Variants in ITGA11 observed in about 807,000 individuals in gnomAD.
ITGA11 encodes integrin subunit alpha 11.
ITGA11 carries 97 observed loss-of-function variants against 141.9 expected under a neutral mutation model. The ratio of observed to expected loss-of-function variants is 0.68; its 90% CI spans 0.58 to 0.81. The LOEUF (loss-of-function observed/expected upper bound fraction) is 0.81, where lower values mean the gene tolerates loss of function less well. Among genes scored for constraint, ITGA11 ranks in the 30% least tolerant of loss-of-function variants. ITGA11 has a pLI of 0.00. For synonymous variants in ITGA11, 658 were observed against 624.6 expected, an observed-to-expected ratio of 1.05 and a Z score of -0.80; for missense variants, 1,387 against 1,559.2, an observed-to-expected ratio of 0.89 and a Z score of 1.86.
intron 3 of ITGA11, among the ~76,000 whole-genome samples, chr15:68,368,189 C>T (rs1895486136): frequency 6.6e-6 from 1 of 152,200 alleles, no homozygotes; most frequent in Admixed American, 6.5e-5. Flanking sequence ...CCTTCCCATC[C>T]CCCATCTCCC....
At chr15:68,429,311 G>T (rs941641729) in intron 1 of ITGA11, among the ~76,000 whole-genome samples, 2 of 152,200 alleles carry the variant, frequency 1.3e-5, no homozygotes, top group African/African-American at 4.8e-5. Context: ...CCACCCTTAC[G>T]CTGTGTCTGA....
At chr15:68,342,716 C>A (rs7181259) in intron 10 of ITGA11, among the ~76,000 whole-genome samples, 6,916 of 152,262 alleles carry the variant, frequency 0.045, 457 homozygotes, top group African/African-American at 0.14. Flanking sequence ...GCTGCTCAGC[C>A]GGGGCAGGTT....
At position 68,335,962 on chromosome 15, in the gene ITGA11, C is replaced by T; in HGVS notation, c.1277-117G>A. On this transcript the variant is annotated intron_variant, in intron 11 of 29. Transcript: ENST00000315757. The surrounding 1 kb of genome is among the most constrained non-coding windows in gnomAD (Gnocchi z 4.9). ...GGCCAGTGATGGGGTAGGTTCAGGG[C>T]TAGCTGAGCAGATTCAATCACGCAG... 8.2e-7 allele frequency: 1 copy of T among 1,216,228 alleles called. No individual in the cohort carries two copies. The highest frequency in any genetic ancestry group is 1.5e-5 in the South Asian group (1 of 68,488). The allele number at this position is 1,216,228 out of a possible 1,614,324, so 75.3% of individuals were successfully genotyped here.
intron 1 of ITGA11, among the ~76,000 whole-genome samples, chr15:68,427,586 G>A (rs563545515): frequency 1.2e-4 from 19 of 152,276 alleles, no homozygotes; most frequent in African/African-American, 3.4e-4. Context: ...TTCACACGTC[G>A]TGTGACTCAG....
intron 11 of ITGA11, among the ~76,000 whole-genome samples, chr15:68,338,737 G>T (rs1423489625): frequency 6.6e-6 from 1 of 152,236 alleles, no homozygotes; most frequent in Non-Finnish European, 1.5e-5. Context: ...GTCCACTCTG[G>T]GTGGCCCCAA....
Position 68,321,579 on chromosome 15 carries a change from G to T in ITGA11, c.2323-76C>A. 1.2e-6 allele frequency: 1 copy of T among 861,774 alleles called. No individual in the cohort carries two copies. Among genetic ancestry groups the T allele is most frequent in the East Asian group, 2.9e-5 (1 of 34,576 alleles). The allele number at this position is 861,774 out of a possible 1,614,324, so 53.4% of individuals were successfully genotyped here. A position where few individuals can be genotyped will look rare whatever the true frequency, so the allele number is the denominator to read the frequency against. ...CTCGCCCTCAATGTACACCAGCTCT[G>T]TCTCCACCACACTAGACATGGGCTG... On this transcript the variant is annotated intron_variant, in intron 18 of 29. Coordinates refer to ENST00000315757, the MANE Select transcript of ITGA11 (RefSeq NM_001004439.2). The surrounding 1 kb of genome is among the most constrained non-coding windows in gnomAD (Gnocchi z 4.9).
intron 11 of ITGA11, among the ~76,000 whole-genome samples, chr15:68,337,771 G>T (rs555052395): frequency 6.6e-6 from 1 of 152,254 alleles, no homozygotes; most frequent in South Asian, 2.1e-4. Flanking sequence ...GGCATTCGAG[G>T]CCTCCTGCTA....
chr15:68,344,559 T>A lies in ITGA11; in HGVS notation c.1131+4271A>T, dbSNP rs572323000. 3.7e-3 allele frequency among the ~76,000 whole-genome samples: 570 copies of A among 152,062 alleles called. 1 individual carries two copies. The highest frequency in any genetic ancestry group is 4.7e-3 in the Non-Finnish European group (322 of 67,986). On this transcript the variant is annotated intron_variant, in intron 10 of 29. Transcript: ENST00000315757. ...TGGCTGGGGTAGCTCATCTGGGATG[T>A]TTATACCTCCAGAGGGGGACTAGAC... is the stretch of plus-strand genomic sequence containing the variant.
At chr15:68,413,043 G>T (rs1006667755) in intron 1 of ITGA11, among the ~76,000 whole-genome samples, 3 of 152,066 alleles carry the variant, frequency 2.0e-5, no homozygotes, top group Admixed American at 1.3e-4. Context: ...TCCAAACTTT[G>T]TTTTTCTACA....
At chr15:68,349,956 C>T (rs1463489938) in intron 9 of ITGA11, among the ~76,000 whole-genome samples, 1 of 152,128 alleles carries the variant, frequency 6.6e-6, no homozygotes, top group Non-Finnish European at 1.5e-5. Flanking sequence ...TAAGTTTTAA[C>T]CTAAGCCTGC....
chr15:68,420,003 A>G (rs1896979857), intron 1 of ITGA11, among the ~76,000 whole-genome samples: 1 of 152,064 alleles, frequency 6.6e-6, no homozygotes, highest in African/African-American at 2.4e-5. Flanking sequence ...CAGTCTCTCC[A>G]CCTGTGCAAT....
intron 1 of ITGA11, among the ~76,000 whole-genome samples, chr15:68,404,884 T>C (rs917548939): frequency 6.6e-6 from 1 of 152,174 alleles, no homozygotes; most frequent in African/African-American, 2.4e-5. Flanking sequence ...GGATACTTAT[T>C]TAGTTTCAAA....
Position 68,331,936 on chromosome 15 carries a change from G to A in ITGA11, c.1693C>T (p.Pro565Ser), listed in dbSNP as rs1326043261. The A allele has an allele frequency of 2.5e-6, 4 of 1,613,314 alleles. No homozygotes were observed. Among genetic ancestry groups the A allele is most frequent in the African/African-American group, 1.3e-5 (1 of 74,862 alleles). ...GCTCCTGCGTGGTTGTCCTCCAGGG[G>A]GGCTCCCACCACCACGTCATTGTAG... ...DSYNDVVVGA[P>S]LEDNHAGAIY... The change falls in exon 14 of 30, where the codon CCC becomes TCC. Residue 565 changes from proline to serine, a missense_variant. Transcript: ENST00000315757.
chr15:68,356,859 G>C (rs1895086440), intron 7 of ITGA11, among the ~76,000 whole-genome samples: 1 of 152,070 alleles, frequency 6.6e-6, no homozygotes, highest in African/African-American at 2.4e-5. Flanking sequence ...GCTACGTGTG[G>C]GTGCTCAGGT....
chr15:68,344,050 G>A lies in ITGA11; in HGVS notation c.1132-4406C>T, dbSNP rs556496833. On this transcript the variant is annotated intron_variant, in intron 10 of 29. Transcript: ENST00000315757. ...TTGGTTGCCTCCTGTCAGAGGCCCTGGGAAAGAGACCCAGGAGTGGGCACT... is the reference window on the plus strand; with the variant it reads ...TTGGTTGCCTCCTGTCAGAGGCCCTAGGAAAGAGACCCAGGAGTGGGCACT... Among the ~76,000 whole-genome samples the A allele has an allele frequency of 8.1e-4, 124 of 152,284 alleles. 1 individual carries two copies. Among genetic ancestry groups the A allele is most frequent in the African/African-American group, 2.8e-3 (118 of 41,572 alleles).
In ITGA11 at chr15:68,375,661, G is replaced by A. The variant is rs1422190261; in HGVS notation, c.165-6377C>T. The stretch of plus-strand genomic sequence containing the variant: ...CCTCGTGGGGGCTAGGGAAACGAGA[G>A]CCCCTCTGTTTGCACATCCCTTACT... On this transcript the variant is annotated intron_variant, in intron 2 of 29. Transcript: ENST00000315757. 4.6e-5 allele frequency among the ~76,000 whole-genome samples: 7 copies of A among 152,346 alleles called. No individual in the cohort carries two copies. In the East Asian group the frequency reaches 1.4e-3, roughly 29 times the overall value.
intron 5 of ITGA11, 94 bp downstream of exon 5, chr15:68,361,496 A>C (rs1895241846): frequency 1.3e-6 from 1 of 796,404 alleles, no homozygotes; most frequent in Non-Finnish European, 2.1e-6. Flanking sequence ...GAGTCCAAAT[A>C]CTGCTTTCTA....
At chr15:68,431,530 T>C (rs1165693049) in intron 1 of ITGA11, among the ~76,000 whole-genome samples, 1 of 152,010 alleles carries the variant, frequency 6.6e-6, no homozygotes, top group Admixed American at 6.5e-5. Context: ...CCTTCAGCCC[T>C]CCGGGGCCGC....
intron 11 of ITGA11, among the ~76,000 whole-genome samples, chr15:68,338,664 C>G (rs1212804547): frequency 6.6e-6 from 1 of 152,212 alleles, no homozygotes; most frequent in Non-Finnish European, 1.5e-5. Context: ...GGCTAACGAG[C>G]TGAGGAACAA....
Sources: gnomAD v4.1 joint callset for allele counts (sites outside exome capture counted in the v4.1 genomes callset) on GRCh38, gnomAD v4.1.1 for gene constraint, Gnocchi (gnomAD v3.1) non-coding constraint, MANE v1.5 for transcripts, NCBI Gene and HGNC (gene_info 2026-07-23, HGNC 2026-07-21) for gene names.